CAP2: variants seen among roughly 807,000 people sequenced by gnomAD.
The protein encoded by CAP2 is cyclase associated actin cytoskeleton regulatory protein 2.
A neutral mutation model predicts 57.7 loss-of-function variants in CAP2; 24 were observed. The observed-to-expected ratio is 0.42, with a 90% CI of 0.30 to 0.58. The LOEUF (loss-of-function observed/expected upper bound fraction) is 0.58, where lower values mean the gene tolerates loss of function less well. Among genes scored for constraint, CAP2 ranks in the 20% least tolerant of loss-of-function variants. The pLI, the probability that CAP2 is intolerant of heterozygous loss-of-function variation, is 0.22. For synonymous variants in CAP2, 194 were observed against 207.2 expected (o/e 0.94, Z 0.55); for missense variants, 501 against 590.3 (o/e 0.85, Z 1.57).
intron 7 of CAP2, among the ~76,000 whole-genome samples, chr6:17,522,858 G>A (rs566443670): frequency 2.0e-5 from 3 of 152,196 alleles, no homozygotes; most frequent in East Asian, 1.9e-4. Flanking sequence ...GCAGTGGCAC[G>A]ATCTCGGCTC....
chr6:17,515,380 C>T (rs1202674590), intron 7 of CAP2, among the ~76,000 whole-genome samples: 2 of 152,112 alleles, frequency 1.3e-5, no homozygotes, highest in Non-Finnish European at 2.9e-5. Flanking sequence ...ACCGTGTGTT[C>T]CCACTTACAA....
At chr6:17,468,086 C>G (rs1465231143) in intron 4 of CAP2, among the ~76,000 whole-genome samples, 1 of 152,026 alleles carries the variant, frequency 6.6e-6, no homozygotes, top group Non-Finnish European at 1.5e-5. Flanking sequence ...CTGTGCCTGG[C>G]TTATTTCACG....
At chr6:17,540,876 A>T (rs1762882243) in intron 8 of CAP2, 97 bp from the exon 9 acceptor site, 1 of 1,235,368 alleles carries the variant, frequency 8.1e-7, no homozygotes, top group Non-Finnish European at 1.1e-6. Flanking sequence ...CCTTACCAAA[A>T]GTTCTTGTGC....
At chr6:17,456,728 C>T (rs1296464415) in intron 3 of CAP2, among the ~76,000 whole-genome samples, 2 of 152,108 alleles carry the variant, frequency 1.3e-5, no homozygotes, top group Non-Finnish European at 2.9e-5. Flanking sequence ...AAGAAGAGGG[C>T]TGATGCAGTT....
chr6:17,423,950 A>G (rs1047422811), intron 2 of CAP2, among the ~76,000 whole-genome samples: 1 of 152,188 alleles, frequency 6.6e-6, no homozygotes, highest in Non-Finnish European at 1.5e-5. Flanking sequence ...CCTAAACAAC[A>G]CCATTTCCAT....
chr6:17,540,657 G>A (rs1762877685), intron 8 of CAP2, among the ~76,000 whole-genome samples: 1 of 152,096 alleles, frequency 6.6e-6, no homozygotes, highest in Admixed American at 6.6e-5. Context: ...GGGAGGCTGA[G>A]GCAGGAGAAT....
intron 7 of CAP2, among the ~76,000 whole-genome samples, chr6:17,521,186 G>A (rs947856699): frequency 2.6e-5 from 4 of 152,068 alleles, no homozygotes; most frequent in African/African-American, 9.7e-5. Flanking sequence ...AGGCCGAGGC[G>A]GGCAGATCAT....
chr6:17,429,242 A>G (rs1427065923), intron 3 of CAP2, among the ~76,000 whole-genome samples: 2 of 152,212 alleles, frequency 1.3e-5, no homozygotes, highest in African/African-American at 2.4e-5. Flanking sequence ...TCTGCAATAC[A>G]CTGAAAAAGA....
At chr6:17,469,374 G>A (rs1760954541) in intron 4 of CAP2, among the ~76,000 whole-genome samples, 1 of 152,152 alleles carries the variant, frequency 6.6e-6, no homozygotes, top group Non-Finnish European at 1.5e-5. Flanking sequence ...GCTAAGACCT[G>A]ACAGTGAAAT....
intron 1 of CAP2, among the ~76,000 whole-genome samples, chr6:17,418,373 G>C (rs1759341496): frequency 6.6e-6 from 1 of 152,208 alleles, no homozygotes. Context: ...CAGGATTTCA[G>C]TCTTGCTTGT....
intron 6 of CAP2, among the ~76,000 whole-genome samples, chr6:17,510,608 T>C (rs988424224): frequency 2.6e-5 from 4 of 152,230 alleles, no homozygotes; most frequent in Admixed American, 6.5e-5. Context: ...TTAGAGACTT[T>C]AGAACTGTGC....
Position 17,539,466 on chromosome 6 carries a change from A to G in CAP2, c.826+8A>G, listed in dbSNP as rs1225623548. On this transcript the variant is annotated splice_region_variant and intron_variant, in intron 8 of 12. Coordinates refer to ENST00000229922, the MANE Select transcript of CAP2 (RefSeq NM_006366.3). ...GAGAAGCAATTACAAAAGGTGAGAGAGAAAAGAAGACCTTGAAGCTGCCTC... is the reference window on the plus strand; with the variant it reads ...GAGAAGCAATTACAAAAGGTGAGAGGGAAAAGAAGACCTTGAAGCTGCCTC... 6.2e-7 allele frequency: 1 copy of G among 1,609,694 alleles called. No homozygotes were observed. The highest frequency in any genetic ancestry group is 8.5e-7 in the Non-Finnish European group (1 of 1,176,630).
chr6:17,411,150 A>G (rs1759133288), intron 1 of CAP2, among the ~76,000 whole-genome samples: 1 of 152,206 alleles, frequency 6.6e-6, no homozygotes, highest in Non-Finnish European at 1.5e-5. Flanking sequence ...ATGGCTGAAT[A>G]ATACTCCATT....
chr6:17,426,435 A>T (rs1449126955), intron 2 of CAP2, among the ~76,000 whole-genome samples, 155 bp from the exon 3 acceptor site: 1 of 151,960 alleles, frequency 6.6e-6, no homozygotes, highest in Non-Finnish European at 1.5e-5. Flanking sequence ...GGGTTTCACC[A>T]TGTTGTCCAG....
At chr6:17,424,938 A>G (rs780689718) in intron 2 of CAP2, among the ~76,000 whole-genome samples, 15 of 152,228 alleles carry the variant, frequency 9.9e-5, no homozygotes, top group Non-Finnish European at 1.9e-4. Context: ...AAACGGATCC[A>G]TAAGGAGCCT....
intron 3 of CAP2, among the ~76,000 whole-genome samples, chr6:17,461,992 CAAAAAAAAAAAAAAAAAA>C (rs567675285): frequency 0.057 from 1,587 of 27,920 alleles, 51 homozygotes; most frequent in African/African-American, 0.088. Flanking sequence ...GACTCCGTCT[CAAAAAAAAAAAAAAAAAA>C]AAAAAAAAAA....
chr6:17,517,172 A>G (rs565602645), intron 7 of CAP2, among the ~76,000 whole-genome samples: 8 of 152,222 alleles, frequency 5.3e-5, no homozygotes, highest in Non-Finnish European at 1.2e-4. Context: ...AGAACAGTAA[A>G]ATGAAAATCA....
intron 1 of CAP2, among the ~76,000 whole-genome samples, chr6:17,412,198 T>G (rs1043249293): frequency 6.6e-6 from 1 of 152,074 alleles, no homozygotes. Flanking sequence ...GTAGCCCAGT[T>G]CCCTGTGGCC....
At chr6:17,436,111 T>C (rs1044329516) in intron 3 of CAP2, among the ~76,000 whole-genome samples, 17 of 151,084 alleles carry the variant, frequency 1.1e-4, no homozygotes, top group African/African-American at 3.9e-4. Flanking sequence ...CCTTCCTTCC[T>C]TCCTTCCTTC....
Sources: gnomAD v4.1 joint callset for allele counts (sites outside exome capture counted in the v4.1 genomes callset) on GRCh38, gnomAD v4.1.1 for gene constraint, MANE v1.5 for transcripts, NCBI Gene and HGNC (gene_info 2026-07-23, HGNC 2026-07-21) for gene names.